The following SAMD12 variants were observed in gnomAD, a reference collection of about 807,000 sequenced individuals.
SAMD12 encodes sterile alpha motif domain containing 12.
SAMD12 carries 9 observed loss-of-function variants against 15.0 expected under a neutral mutation model. The ratio of observed to expected loss-of-function variants is 0.60; its 90% CI spans 0.36 to 1.05. The LOEUF (loss-of-function observed/expected upper bound fraction) is 1.05, where lower values mean the gene tolerates loss of function less well. Ranked by LOEUF, SAMD12 falls within the 50% of genes least tolerant of loss-of-function variation. The pLI, the probability that SAMD12 is intolerant of heterozygous loss-of-function variation, is 0.01. For missense variants in SAMD12, 230 were observed against 234.2 expected, an observed-to-expected ratio of 0.98 and a Z score of 0.12; for synonymous variants, 86 against 90.1, an observed-to-expected ratio of 0.96 and a Z score of 0.25.
At chr8:118,408,963 C>A (rs4388478) in intron 3 of SAMD12, among the ~76,000 whole-genome samples, 52,180 of 151,858 alleles carry the variant, frequency 0.34, 9,619 homozygotes, top group African/African-American at 0.41. Context: ...CAGTGGTGCA[C>A]TCTCGGCCCA....
chr8:118,613,891 G>A (rs1828168026), intron 1 of SAMD12, among the ~76,000 whole-genome samples: 1 of 152,204 alleles, frequency 6.6e-6, no homozygotes, highest in East Asian at 1.9e-4. Context: ...TTGTGGTAGA[G>A]AAAAATTATG....
intron 4 of SAMD12, among the ~76,000 whole-genome samples, chr8:118,311,065 G>A (rs7823536): frequency 0.48 from 72,850 of 152,086 alleles, 20,040 homozygotes; most frequent in African/African-American, 0.77. Context: ...TGAAGTCAGG[G>A]TAATTAGTCT....
At chr8:118,157,511 T>C in the SAMD12 span, among the ~76,000 whole-genome samples, 91 of 152,336 alleles carry the variant, frequency 6.0e-4, 1 homozygote, top group African/African-American at 2.1e-3. Flanking sequence ...CTGTACTCCA[T>C]GTGAAAAACA....
At chr8:118,303,983 G>A (rs1473270211) in intron 4 of SAMD12, among the ~76,000 whole-genome samples, 2 of 152,184 alleles carry the variant, frequency 1.3e-5, no homozygotes, top group Admixed American at 6.5e-5. Context: ...TTTTGACACA[G>A]CTGAGTATTC....
chr8:118,292,341 A>AACACACACACACACACAC (rs1554624040), intron 4 of SAMD12, among the ~76,000 whole-genome samples: 4 of 50,670 alleles, frequency 7.9e-5, no homozygotes, highest in Admixed American at 4.6e-4. Flanking sequence ...CAAAACTGCA[A>AACACACACACACACACAC]ACACACAGAC....
chr8:118,163,270 G>A, the SAMD12 span, among the ~76,000 whole-genome samples: 1 of 152,054 alleles, frequency 6.6e-6, no homozygotes. Context: ...TGTAGAGATG[G>A]GGACTCCCTC....
intron 1 of SAMD12, among the ~76,000 whole-genome samples, chr8:118,617,916 G>A (rs1030308765): frequency 2.0e-5 from 3 of 151,976 alleles, no homozygotes; most frequent in Non-Finnish European, 2.9e-5. Flanking sequence ...AGGTTTAACC[G>A]TCTATACACA....
chr8:118,318,627 G>T (rs1275321279), intron 4 of SAMD12, among the ~76,000 whole-genome samples: 1 of 151,936 alleles, frequency 6.6e-6, no homozygotes, highest in Non-Finnish European at 1.5e-5. Context: ...GTCTACTTGG[G>T]TGATGGGTGC....
At chr8:118,473,794 G>A (rs1823878592) in intron 2 of SAMD12, among the ~76,000 whole-genome samples, 5 of 152,042 alleles carry the variant, frequency 3.3e-5, no homozygotes, top group Admixed American at 1.3e-4. Flanking sequence ...AGGTGCAGCT[G>A]ACATGGCACA....
chr8:118,416,008 A>G (rs1821670505), intron 3 of SAMD12, among the ~76,000 whole-genome samples: 1 of 151,552 alleles, frequency 6.6e-6, no homozygotes, highest in Non-Finnish European at 1.5e-5. Flanking sequence ...TTTTTTCTTT[A>G]AAGTGTTTGG....
At chr8:118,325,851 AGG>A (rs969363286) in intron 4 of SAMD12, among the ~76,000 whole-genome samples, 32 of 152,318 alleles carry the variant, frequency 2.1e-4, no homozygotes, top group African/African-American at 7.7e-4. Flanking sequence ...CTTACTCTCT[AGG>A]GAGATGAATG....
At chr8:118,506,054 T>G (rs1423530965) in intron 2 of SAMD12, among the ~76,000 whole-genome samples, 3 of 152,198 alleles carry the variant, frequency 2.0e-5, no homozygotes, top group African/African-American at 7.2e-5. Flanking sequence ...CAGAACTTAG[T>G]ACCCATACCT....
At chr8:118,172,749 T>G in the SAMD12 span, among the ~76,000 whole-genome samples, 2 of 152,136 alleles carry the variant, frequency 1.3e-5, no homozygotes, top group Non-Finnish European at 2.9e-5. Flanking sequence ...TCTCTTTCCT[T>G]TTTTTTGTGA....
chr8:118,613,836 G>A (rs1828167004), intron 1 of SAMD12, among the ~76,000 whole-genome samples: 1 of 152,188 alleles, frequency 6.6e-6, no homozygotes, highest in Non-Finnish European at 1.5e-5. Context: ...GACAATCAGA[G>A]AGAGGCCAGC....
chr8:118,212,186 C>T (rs936936249), intron 4 of SAMD12, among the ~76,000 whole-genome samples: 1 of 151,768 alleles, frequency 6.6e-6, no homozygotes, highest in Non-Finnish European at 1.5e-5. Flanking sequence ...TGTAGTGGCC[C>T]TTTGTAGGCA....
At chr8:118,224,829 G>A (rs1812154002) in intron 4 of SAMD12, among the ~76,000 whole-genome samples, 2 of 152,188 alleles carry the variant, frequency 1.3e-5, no homozygotes, top group South Asian at 2.1e-4. Context: ...TCTGGCAGAG[G>A]TGTGAATTTC....
chr8:118,303,954 G>A (rs1004909680), intron 4 of SAMD12, among the ~76,000 whole-genome samples: 1 of 152,104 alleles, frequency 6.6e-6, no homozygotes, highest in Non-Finnish European at 1.5e-5. Context: ...GCTTATCCTC[G>A]ATGACATTTA....
At chr8:118,612,075 C>T (rs544626247) in intron 1 of SAMD12, among the ~76,000 whole-genome samples, 8 of 152,284 alleles carry the variant, frequency 5.3e-5, no homozygotes, top group Non-Finnish European at 2.9e-5. Flanking sequence ...ATACAAGAAA[C>T]GGTCAACTAA....
At chr8:118,321,811 A>G (rs1340744561) in intron 4 of SAMD12, among the ~76,000 whole-genome samples, 1 of 152,018 alleles carries the variant, frequency 6.6e-6, no homozygotes, top group African/African-American at 2.4e-5. Context: ...CTTATGCCTC[A>G]GTTTCCTTCT....
Sources: allele counts gnomAD v4.1 joint callset (sites outside exome capture counted in the v4.1 genomes callset), GRCh38; gene constraint gnomAD v4.1.1; transcripts MANE v1.5; gene names NCBI Gene and HGNC (gene_info 2026-07-23, HGNC 2026-07-21).